Variants in SDK1 observed in about 807,000 individuals in gnomAD.
SDK1 encodes the protein sidekick cell adhesion molecule 1.
Under a neutral mutation model 245.5 loss-of-function variants are expected in SDK1, and 157 were observed. That is an observed-to-expected ratio of 0.64 (90% confidence interval 0.56 to 0.73). The LOEUF is 0.73. Among genes scored for constraint, SDK1 ranks in the 30% least tolerant of loss-of-function variants. The pLI is 0.00. For synonymous variants in SDK1, 1,647 were observed against 1,278.5 expected, an observed-to-expected ratio of 1.29 and a Z score of -6.15; for missense variants, 3,583 against 3,002.3, an observed-to-expected ratio of 1.19 and a Z score of -4.52.
intron 30 of SDK1, among the ~76,000 whole-genome samples, chr7:4,150,740 T>C (rs967811087): frequency 6.6e-6 from 1 of 152,020 alleles, no homozygotes; most frequent in Non-Finnish European, 1.5e-5. Flanking sequence ...GGCTTTGGAG[T>C]GAGGGCTGAT....
intron 4 of SDK1, among the ~76,000 whole-genome samples, chr7:3,664,254 G>T (rs747655109): frequency 6.6e-6 from 1 of 151,920 alleles, no homozygotes; most frequent in African/African-American, 2.4e-5. Context: ...TCACTGGGAG[G>T]GTCTTGACCA....
rs201575503 is a variant in SDK1, at chr7:3,977,379, C to T, written c.1994+2834C>T. ...CCCGGGGCTGAGGCTGCCACACAGA[C>T]GGTCCTCCAGAGAATCACTGGGGGT... On this transcript the variant is annotated intron_variant, in intron 13 of 44. Transcript: ENST00000404826. Among the ~76,000 whole-genome samples the T allele has an allele frequency of 1.2e-4, 6 of 50,810 alleles. 1 individual carries two copies. Among genetic ancestry groups the T allele is most frequent in the Admixed American group, 7.0e-4 (4 of 5,734 alleles). 33.3% of individuals were successfully genotyped at this position (50,810 alleles called of 152,430 possible).
intron 1 of SDK1, among the ~76,000 whole-genome samples, chr7:3,334,287 T>G (rs1583697728): frequency 6.6e-6 from 1 of 152,224 alleles, no homozygotes; most frequent in African/African-American, 2.4e-5. Context: ...CCTTGATAGG[T>G]TGACTTGTTT....
intron 22 of SDK1, among the ~76,000 whole-genome samples, chr7:4,091,334 C>CTTTTCTCT (rs1259034611): frequency 9.2e-6 from 1 of 108,260 alleles, no homozygotes; most frequent in Non-Finnish European, 1.8e-5. Context: ...CTTTTCTTTT[C>CTTTTCTCT]TTTTTTTTTT....
intron 18 of SDK1, 36 bp from the exon 19 acceptor site, chr7:4,051,602 A>G: frequency 6.3e-7 from 1 of 1,580,758 alleles, no homozygotes; most frequent in Non-Finnish European, 8.6e-7. Context: ...AATGCCATTG[A>G]AAACAGGCTG....
At chr7:4,101,016 A>G (rs1782501422) in intron 22 of SDK1, among the ~76,000 whole-genome samples, 1 of 152,200 alleles carries the variant, frequency 6.6e-6, no homozygotes, top group Admixed American at 6.5e-5. Context: ...GGAGGTGCAC[A>G]CAGGGGTCTC....
intron 38 of SDK1, among the ~76,000 whole-genome samples, chr7:4,218,762 G>C (rs748284833): frequency 4.6e-5 from 7 of 152,284 alleles, no homozygotes; most frequent in Non-Finnish European, 4.4e-5. Context: ...ATGCTCCTTG[G>C]AAAATGAGCT....
chr7:3,823,021 C>T (rs908238746), intron 5 of SDK1, among the ~76,000 whole-genome samples: 5 of 152,028 alleles, frequency 3.3e-5, no homozygotes, highest in African/African-American at 1.2e-4. Flanking sequence ...GAATCTCGCT[C>T]TGCAGAACGT....
At chr7:4,190,741 C>G (rs1460730347) in intron 35 of SDK1, among the ~76,000 whole-genome samples, 1 of 152,258 alleles carries the variant, frequency 6.6e-6, no homozygotes, top group Non-Finnish European at 1.5e-5. Flanking sequence ...CCTTCAGGCT[C>G]TCTGCAGCAT....
At chr7:4,203,174 C>T (rs1389737469) in intron 35 of SDK1, among the ~76,000 whole-genome samples, 1 of 152,216 alleles carries the variant, frequency 6.6e-6, no homozygotes, top group Non-Finnish European at 1.5e-5. Context: ...CCCAGCCACG[C>T]AAGGCCATCC....
rs565517622 is a variant in SDK1, at chr7:4,267,626, T to C, written c.*2242T>C. On this transcript the variant is annotated 3_prime_UTR_variant, in exon 45 of 45. Coordinates refer to ENST00000404826, the MANE Select transcript of SDK1 (RefSeq NM_152744.4). The stretch of plus-strand genomic sequence containing the variant: ...CTCTGATGACTGCTCTCTGCAGCCA[T>C]GAGGATGTGGCTTTACATGCCAGGG... 2.0e-6 allele frequency: 2 copies of C among 985,416 alleles called. No homozygotes were observed. Among genetic ancestry groups the C allele is most frequent in the Admixed American group, 6.1e-5 (1 of 16,286 alleles). The allele number at this position is 985,416 out of a possible 1,614,324, so 61.0% of individuals were successfully genotyped here.
chr7:3,670,984 C>A (rs1014070602), intron 4 of SDK1, among the ~76,000 whole-genome samples: 10 of 151,984 alleles, frequency 6.6e-5, no homozygotes, highest in Non-Finnish European at 1.5e-4. Flanking sequence ...CTTTTTTTTG[C>A]CATAGTTACC....
intron 19 of SDK1, among the ~76,000 whole-genome samples, chr7:4,057,923 A>G (rs948549385): frequency 4.6e-5 from 7 of 152,238 alleles, no homozygotes; most frequent in African/African-American, 1.7e-4. Context: ...TTATGAAAGC[A>G]AATCCAAAAA....
At chr7:3,767,065 T>C (rs574863529) in intron 4 of SDK1, among the ~76,000 whole-genome samples, 1 of 152,284 alleles carries the variant, frequency 6.6e-6, no homozygotes, top group South Asian at 2.1e-4. Flanking sequence ...GTAGGGATTG[T>C]GTATCCAGCT....
At chr7:3,357,560 C>G (rs1780838438) in intron 1 of SDK1, among the ~76,000 whole-genome samples, 1 of 151,326 alleles carries the variant, frequency 6.6e-6, no homozygotes, top group South Asian at 2.1e-4. Flanking sequence ...GTTGCCCAGG[C>G]TAGCCTTGAA....
chr7:3,486,662 G>C (rs1368885256), intron 1 of SDK1, among the ~76,000 whole-genome samples: 1 of 151,866 alleles, frequency 6.6e-6, no homozygotes, highest in Non-Finnish European at 1.5e-5. Context: ...TCATCCCAAA[G>C]CACAAGTAAG....
At chr7:4,253,004 T>C (rs913112199) in intron 44 of SDK1, among the ~76,000 whole-genome samples, 1 of 152,172 alleles carries the variant, frequency 6.6e-6, no homozygotes. Context: ...AATTCATTCC[T>C]GATTTTAATA....
intron 5 of SDK1, among the ~76,000 whole-genome samples, chr7:3,944,102 A>G (rs75862062): frequency 6.6e-6 from 1 of 152,222 alleles, no homozygotes; most frequent in African/African-American, 2.4e-5. Flanking sequence ...ATTTTTGCTT[A>G]ACAGAGCACA....
At chr7:4,065,613 C>T (rs1013851454) in intron 19 of SDK1, among the ~76,000 whole-genome samples, 1 of 147,970 alleles carries the variant, frequency 6.8e-6, no homozygotes, top group African/African-American at 2.5e-5. Context: ...ATCTTCCACA[C>T]TAGAAAAGTG....
Sources: gnomAD v4.1 joint callset for allele counts (sites outside exome capture counted in the v4.1 genomes callset) on GRCh38, gnomAD v4.1.1 for gene constraint, MANE v1.5 for transcripts, NCBI Gene and HGNC (gene_info 2026-07-23, HGNC 2026-07-21) for gene names.